Variants in ZFHX4 observed in about 807,000 individuals in gnomAD.
ZFHX4 encodes zinc finger homeobox protein 4.
A neutral mutation model predicts 267.6 loss-of-function variants in ZFHX4; 56 were observed. That is an observed-to-expected ratio of 0.21 (90% CI 0.17 to 0.26). ZFHX4 has a LOEUF of 0.26. ZFHX4 is among the 10% of genes least tolerant of loss of function. ZFHX4 has a pLI of 1.00. For missense variants in ZFHX4, 4,332 were observed against 4,420.0 expected, an observed-to-expected ratio of 0.98 and a Z score of 0.56; for synonymous variants, 1,778 against 1,665.6, an observed-to-expected ratio of 1.07 and a Z score of -1.64.
At chr8:76,823,476 T>C (rs967432990) in intron 4 of ZFHX4, among the ~76,000 whole-genome samples, 2 of 152,204 alleles carry the variant, frequency 1.3e-5, no homozygotes, top group Non-Finnish European at 2.9e-5. Context: ...ACATTTTTCA[T>C]CTTGGCTCCA....
At chr8:76,700,096 CTT>C (rs1009737642) in intron 1 of ZFHX4, among the ~76,000 whole-genome samples, 3 of 152,052 alleles carry the variant, frequency 2.0e-5, no homozygotes, top group African/African-American at 7.2e-5. Flanking sequence ...CTTTTGGAAA[CTT>C]GATATAATTC....
At chr8:76,819,069 T>C (rs1355561364) in intron 4 of ZFHX4, among the ~76,000 whole-genome samples, 2 of 151,582 alleles carry the variant, frequency 1.3e-5, no homozygotes, top group Non-Finnish European at 2.9e-5. Context: ...AGTAAGGCAG[T>C]ACATTTTCCC....
intron 3 of ZFHX4, among the ~76,000 whole-genome samples, chr8:76,742,137 T>C (rs1809334402): frequency 6.6e-6 from 1 of 152,194 alleles, no homozygotes; most frequent in South Asian, 2.1e-4. Context: ...AATGAAGGCA[T>C]TGTGTGTTAA....
At chr8:76,745,100 C>T (rs375307642) in intron 3 of ZFHX4, among the ~76,000 whole-genome samples, 4 of 152,068 alleles carry the variant, frequency 2.6e-5, no homozygotes, top group African/African-American at 9.7e-5. Flanking sequence ...TTTCCTCTTC[C>T]ACTAAAAAAC....
intron 1 of ZFHX4, among the ~76,000 whole-genome samples, chr8:76,694,695 C>T (rs183193625): frequency 0.078 from 9,292 of 119,750 alleles, 487 homozygotes; most frequent in Middle Eastern, 0.16. Flanking sequence ...TGCTCCCGCC[C>T]CCGCCTCTGC....
At chr8:76,702,968 A>T (rs1472514409) in intron 1 of ZFHX4, among the ~76,000 whole-genome samples, 2 of 151,414 alleles carry the variant, frequency 1.3e-5, no homozygotes, top group African/African-American at 4.9e-5. Context: ...GGCAAGACAC[A>T]CACACACACA....
intron 3 of ZFHX4, among the ~76,000 whole-genome samples, chr8:76,719,029 C>T (rs1038001600): frequency 3.3e-5 from 5 of 150,802 alleles, no homozygotes; most frequent in Middle Eastern, 3.4e-3. Context: ...TGGATCTATT[C>T]CGATCTCCTG....
intron 1 of ZFHX4, among the ~76,000 whole-genome samples, chr8:76,686,944 C>A (rs189763129): frequency 6.6e-6 from 1 of 152,188 alleles, no homozygotes; most frequent in Non-Finnish European, 1.5e-5. Flanking sequence ...GGGTTTCCCC[C>A]CCTTCTAAGA....
intron 3 of ZFHX4, among the ~76,000 whole-genome samples, chr8:76,718,397 A>C (rs767727810): frequency 1.3e-5 from 2 of 152,158 alleles, no homozygotes; most frequent in Non-Finnish European, 2.9e-5. Flanking sequence ...AATGTGTCTA[A>C]AGGCAATTTC....
Position 76,704,653 on chromosome 8 carries a change from C to T in ZFHX4, c.565C>T (p.Pro189Ser), listed in dbSNP as rs2131605813. 1.9e-6 allele frequency: 3 copies of T among 1,613,966 alleles called. No individual in the cohort carries two copies. The highest frequency in any genetic ancestry group is 2.5e-6 in the Non-Finnish European group (3 of 1,179,884). The change falls in exon 2 of 11, where the codon CCA (proline) becomes TCA (serine). Residue 189 changes from proline (P) to serine (S), a missense_variant. By Grantham distance (74) the Pro-to-Ser change is moderately conservative. Coordinates refer to ENST00000651372, the MANE Select transcript of ZFHX4 (RefSeq NM_024721.5). ...QSASAPMSFY[P>S]QIINTFHIAS... ...TGCTTCTGCACCTATGTCGTTCTAC[C>T]CACAGATCATCAACACTTTTCATAT...
chr8:76,726,200 T>A (rs949016184), intron 3 of ZFHX4, among the ~76,000 whole-genome samples: 1 of 152,118 alleles, frequency 6.6e-6, no homozygotes, highest in Non-Finnish European at 1.5e-5. Flanking sequence ...AAAGAGCCTA[T>A]CTTTTTTTTC....
In ZFHX4 at chr8:76,705,959, C is replaced by T; in HGVS notation, c.1871C>T (p.Ser624Phe). ...ECPKCDTVLGSSRSLGGHMTM... is the reference protein window; with the variant it reads ...ECPKCDTVLGFSRSLGGHMTM... ...CCAAAGTGCGACACTGTGTTGGGGTCTTCGAGGTCTCTTGGTGGTCATATG... is the reference window on the plus strand; with the variant it reads ...CCAAAGTGCGACACTGTGTTGGGGTTTTCGAGGTCTCTTGGTGGTCATATG... Residue 624 changes from serine (S) to phenylalanine (F), a missense_variant, in exon 2 of 11, where the codon TCT becomes TTT. By Grantham distance (155) the Ser-to-Phe change is radical (BLOSUM62 -2). Coordinates refer to ENST00000651372, the MANE Select transcript of ZFHX4 (RefSeq NM_024721.5). 6.2e-7 allele frequency: 1 copy of T among 1,613,000 alleles called. No homozygotes were observed. The highest frequency in any genetic ancestry group is 8.5e-7 in the Non-Finnish European group (1 of 1,179,614).
chr8:76,826,533 T>A (rs1032451129), intron 4 of ZFHX4, among the ~76,000 whole-genome samples: 1 of 152,160 alleles, frequency 6.6e-6, no homozygotes, highest in African/African-American at 2.4e-5. Flanking sequence ...AACTGTGGAA[T>A]AGAAAATAGA....
intron 1 of ZFHX4, among the ~76,000 whole-genome samples, chr8:76,685,924 T>G (rs1002687043): frequency 6.6e-6 from 1 of 152,218 alleles, no homozygotes; most frequent in Non-Finnish European, 1.5e-5. Flanking sequence ...TTTCTAGCAC[T>G]TAGTAGGTGC....
In ZFHX4 at chr8:76,864,851, A is replaced by G; in HGVS notation, c.*286A>G. On this transcript the variant is annotated 3_prime_UTR_variant, in exon 11 of 11. Transcript: ENST00000651372. ...AACTTGTTTCAAGCCAAAAACTCTCAAGAAAGCAAATTGCACCTCAGCTGG... is the reference window on the plus strand; with the variant it reads ...AACTTGTTTCAAGCCAAAAACTCTCGAGAAAGCAAATTGCACCTCAGCTGG... 1 of 219,712 alleles carries G rather than the reference A, an allele frequency of 4.6e-6. No individual in the cohort carries two copies. Among genetic ancestry groups the G allele is most frequent in the Non-Finnish European group, 9.0e-6 (1 of 111,554 alleles). 13.6% of individuals were successfully genotyped at this position (219,712 alleles called of 1,614,324 possible). A position where few individuals can be genotyped will look rare whatever the true frequency, so the allele number is the denominator to read the frequency against.
intron 3 of ZFHX4, among the ~76,000 whole-genome samples, chr8:76,709,434 C>A (rs114921534): frequency 1.3e-5 from 2 of 152,088 alleles, no homozygotes; most frequent in Non-Finnish European, 1.5e-5. Context: ...TATTATAATT[C>A]ATAGGTTTTG....
At chr8:76,808,122 C>T (rs1309080758) in intron 4 of ZFHX4, among the ~76,000 whole-genome samples, 2 of 151,956 alleles carry the variant, frequency 1.3e-5, no homozygotes. Flanking sequence ...TTATTTTTAG[C>T]TACCATTGAT....
At chr8:76,793,131 T>C (rs1273799932) in intron 4 of ZFHX4, among the ~76,000 whole-genome samples, 5 of 152,144 alleles carry the variant, frequency 3.3e-5, no homozygotes, top group African/African-American at 9.6e-5. Flanking sequence ...ATTATTCTGC[T>C]GCTTCTGCCT....
intron 6 of ZFHX4, among the ~76,000 whole-genome samples, chr8:76,844,522 T>C (rs953781366): frequency 2.0e-5 from 3 of 152,090 alleles, no homozygotes; most frequent in African/African-American, 7.2e-5. Context: ...ATAGCACAGA[T>C]GCCAAGGCTC....
Sources: gnomAD v4.1 joint callset for allele counts (sites outside exome capture counted in the v4.1 genomes callset) on GRCh38, gnomAD v4.1.1 for gene constraint, MANE v1.5 for transcripts, NCBI Gene and HGNC (gene_info 2026-07-23, HGNC 2026-07-21) for gene names.